The following CAP2 variants were observed in gnomAD, a reference collection of about 807,000 sequenced individuals.
The protein encoded by CAP2 is cyclase associated actin cytoskeleton regulatory protein 2, also known as adenylyl cyclase-associated protein 2.
A neutral mutation model predicts 57.7 loss-of-function variants in CAP2; 24 were observed. The ratio of observed to expected loss-of-function variants is 0.42; its 90% confidence interval spans 0.30 to 0.58. CAP2 has a LOEUF of 0.58. Ranked by LOEUF, CAP2 falls within the 20% of genes least tolerant of loss-of-function variation. CAP2 has a pLI of 0.22. For synonymous variants in CAP2, 194 were observed against 207.2 expected (o/e 0.94, Z 0.55); for missense variants, 501 against 590.3 (o/e 0.85, Z 1.57).
At chr6:17,482,457 C>T (rs1398796316) in intron 4 of CAP2, among the ~76,000 whole-genome samples, 4 of 133,806 alleles carry the variant, frequency 3.0e-5, no homozygotes, top group Non-Finnish European at 3.0e-5. Context: ...TGCAGTAAGC[C>T]GAGATCGCGC....
At chr6:17,441,258 G>C (rs1760066625) in intron 3 of CAP2, among the ~76,000 whole-genome samples, 1 of 151,338 alleles carries the variant, frequency 6.6e-6, no homozygotes, top group Non-Finnish European at 1.5e-5. Flanking sequence ...AGATGTTTAA[G>C]GAATTTCACA....
At chr6:17,415,632 T>A (rs1385311166) in intron 1 of CAP2, among the ~76,000 whole-genome samples, 1 of 152,068 alleles carries the variant, frequency 6.6e-6, no homozygotes, top group Non-Finnish European at 1.5e-5. Context: ...CTGGACTCAG[T>A]GGGAGATGCA....
At chr6:17,409,528 T>C (rs1377237408) in intron 1 of CAP2, among the ~76,000 whole-genome samples, 1 of 152,172 alleles carries the variant, frequency 6.6e-6, no homozygotes, top group Admixed American at 6.5e-5. Flanking sequence ...GAAATTATAA[T>C]AATGACATGT....
intron 11 of CAP2, among the ~76,000 whole-genome samples, chr6:17,545,688 C>A (rs1192062214): frequency 1.3e-5 from 2 of 152,042 alleles, no homozygotes; most frequent in African/African-American, 4.8e-5. Flanking sequence ...CTAATGCTAT[C>A]CCTCCCCCTC....
intron 7 of CAP2, chr6:17,531,230 C>T: frequency 2.6e-6 from 2 of 780,356 alleles, no homozygotes; most frequent in South Asian, 2.7e-5. Context: ...CAGTGTATGG[C>T]TCTACAATCC....
chr6:17,504,345 G>T (rs1037473863), intron 4 of CAP2, among the ~76,000 whole-genome samples: 1 of 152,186 alleles, frequency 6.6e-6, no homozygotes, highest in African/African-American at 2.4e-5. Flanking sequence ...TGTGGTAATT[G>T]GTGTAAAGTC....
At chr6:17,462,621 C>A (rs1404174000) in intron 3 of CAP2, among the ~76,000 whole-genome samples, 3 of 152,142 alleles carry the variant, frequency 2.0e-5, no homozygotes, top group African/African-American at 7.2e-5. Context: ...TTTGCTTCTC[C>A]TGGACATTTT....
intron 3 of CAP2, among the ~76,000 whole-genome samples, chr6:17,462,332 A>G (rs188925006): frequency 2.6e-4 from 39 of 152,318 alleles, no homozygotes; most frequent in African/African-American, 8.7e-4. Context: ...CACAGTGTGA[A>G]AGAGGGTAAG....
rs572588400 is a variant in CAP2, at chr6:17,487,135, C to A, written c.301-20034C>A. On this transcript the variant is annotated intron_variant, in intron 4 of 12. Coordinates refer to ENST00000229922, the MANE Select transcript of CAP2 (RefSeq NM_006366.3). ...TACTATGTGCCAGGTGCTGAAGATA[C>A]TGAAGAAAAGAAGCCATCCTCGTGC... 1.8e-4 allele frequency among the ~76,000 whole-genome samples: 27 copies of A among 152,352 alleles called. No individual in the cohort carries two copies. The South Asian group carries it at 2.3e-3, about 13-fold the overall frequency.
intron 4 of CAP2, among the ~76,000 whole-genome samples, chr6:17,502,833 G>A (rs904278723): frequency 1.3e-5 from 2 of 152,170 alleles, no homozygotes; most frequent in Non-Finnish European, 2.9e-5. Context: ...TTAGCAAATT[G>A]TTGGAGAAAA....
chr6:17,483,556 T>C (rs1423578293), intron 4 of CAP2, among the ~76,000 whole-genome samples: 1 of 152,194 alleles, frequency 6.6e-6, no homozygotes, highest in Non-Finnish European at 1.5e-5. Flanking sequence ...TGGGATTCAT[T>C]CTTACAATGG....
chr6:17,547,518 T>C (rs74348688), intron 11 of CAP2, among the ~76,000 whole-genome samples: 1,853 of 152,318 alleles, frequency 0.012, 22 homozygotes, highest in Middle Eastern at 0.02. Context: ...GAATTCCTCC[T>C]GTCATTGCTT....
At chr6:17,498,379 G>C (rs1255460970) in intron 4 of CAP2, among the ~76,000 whole-genome samples, 1 of 152,206 alleles carries the variant, frequency 6.6e-6, no homozygotes, top group Non-Finnish European at 1.5e-5. Flanking sequence ...ATACAAAAAT[G>C]ACTTCAGAGA....
chr6:17,543,378 G>A (rs766684841), intron 11 of CAP2, among the ~76,000 whole-genome samples: 21 of 152,104 alleles, frequency 1.4e-4, no homozygotes, highest in Non-Finnish European at 2.8e-4. Context: ...AGCACTTTGG[G>A]AGGCCGAGGT....
chr6:17,506,697 A>C (rs1396867818), intron 4 of CAP2, among the ~76,000 whole-genome samples: 1 of 151,858 alleles, frequency 6.6e-6, no homozygotes, highest in African/African-American at 2.4e-5. Flanking sequence ...TTTCACATGG[A>C]TTATGGCAAC....
At chr6:17,467,318 T>G (rs1449998326) in intron 4 of CAP2, among the ~76,000 whole-genome samples, 1 of 152,210 alleles carries the variant, frequency 6.6e-6, no homozygotes, top group Non-Finnish European at 1.5e-5. Context: ...CTAATAGGGA[T>G]TCTCTCAATT....
At chr6:17,424,356 C>T (rs919791049) in intron 2 of CAP2, among the ~76,000 whole-genome samples, 1 of 152,076 alleles carries the variant, frequency 6.6e-6, no homozygotes, top group African/African-American at 2.4e-5. Context: ...GCCGAGATCG[C>T]GCCACTGCAC....
chr6:17,395,328 G>T (rs1758639824), intron 1 of CAP2, among the ~76,000 whole-genome samples: 1 of 152,160 alleles, frequency 6.6e-6, no homozygotes, highest in South Asian at 2.1e-4. Flanking sequence ...AATACCTAAA[G>T]GAATGGTATG....
Position 17,557,695 on chromosome 6 carries a change from T to C in CAP2, c.*1253T>C, listed in dbSNP as rs924216299. The C allele has an allele frequency of 2.0e-5, 3 of 152,248 alleles. No individual in the cohort carries two copies. Among genetic ancestry groups the C allele is most frequent in the African/African-American group, 7.2e-5 (3 of 41,462 alleles). The allele number at this position is 152,248 out of a possible 1,614,324, so 9.4% of individuals were successfully genotyped here. A position where few individuals can be genotyped will look rare whatever the true frequency, so the allele number is the denominator to read the frequency against. ...CCAAGGTTTTGCTATAAAAGTTTTG[T>C]CTGTATGAATAATGTGGCTTTAGTA... On this transcript the variant is annotated 3_prime_UTR_variant, in exon 13 of 13. Coordinates refer to ENST00000229922, the MANE Select transcript of CAP2 (RefSeq NM_006366.3).
Sources: allele counts gnomAD v4.1 joint callset (sites outside exome capture counted in the v4.1 genomes callset), GRCh38; gene constraint gnomAD v4.1.1; transcripts MANE v1.5; gene names NCBI Gene and HGNC (gene_info 2026-07-23, HGNC 2026-07-21).